The following XRN1 variants were observed in gnomAD, a reference collection of about 807,000 sequenced individuals.
XRN1 encodes strand-exchange protein 1 homolog.
In XRN1, 67 loss-of-function variants were observed where a neutral mutation model predicts 222.3. That is an observed-to-expected ratio of 0.30 (90% CI 0.25 to 0.37). XRN1 has a LOEUF of 0.37. Ranked by LOEUF, XRN1 falls within the 10% of genes least tolerant of loss-of-function variation. XRN1 has a pLI of 1.00. For missense variants in XRN1, 1,707 were observed against 2,000.2 expected, an observed-to-expected ratio of 0.85 and a Z score of 2.80; for synonymous variants, 643 against 652.4, an observed-to-expected ratio of 0.99 and a Z score of 0.22.
chr3:142,364,617 TAATA>T (rs1214351497), intron 29 of XRN1, among the ~76,000 whole-genome samples: 2 of 152,192 alleles, frequency 1.3e-5, no homozygotes, highest in East Asian at 3.8e-4. Context: ...GTAACTAACG[TAATA>T]TATATTTAAT....
At chr3:142,397,984 G>A (rs1184045300) in intron 19 of XRN1, among the ~76,000 whole-genome samples, 2 of 152,184 alleles carry the variant, frequency 1.3e-5, no homozygotes, top group African/African-American at 4.8e-5. Context: ...GCTCATGCCT[G>A]TAATCATAGC....
At chr3:142,386,630 A>G (rs574442414) in intron 20 of XRN1, among the ~76,000 whole-genome samples, 1 of 152,302 alleles carries the variant, frequency 6.6e-6, no homozygotes, top group South Asian at 2.1e-4. Flanking sequence ...TAAGAAAACT[A>G]TAAAGTAATG....
At chr3:142,362,878 C>T (rs1485743366) in intron 29 of XRN1, among the ~76,000 whole-genome samples, 1 of 151,558 alleles carries the variant, frequency 6.6e-6, no homozygotes, top group African/African-American at 2.4e-5. Flanking sequence ...TCAAGTGATT[C>T]TCCCACCTCA....
intron 33 of XRN1, among the ~76,000 whole-genome samples, chr3:142,344,680 G>T (rs560821399): frequency 1.3e-5 from 2 of 152,028 alleles, no homozygotes; most frequent in Non-Finnish European, 2.9e-5. Context: ...AAATATTTAG[G>T]AATAAATTTA....
chr3:142,346,848 C>T (rs1462197167), intron 33 of XRN1, among the ~76,000 whole-genome samples: 2 of 152,022 alleles, frequency 1.3e-5, no homozygotes, highest in Non-Finnish European at 2.9e-5. Context: ...TACAGAGGGC[C>T]GACTGAACAT....
chr3:142,403,721 C>G lies in XRN1; in HGVS notation c.2056G>C (p.Glu686Gln). The G allele has an allele frequency of 6.2e-7, 1 of 1,613,336 alleles. No homozygotes were observed. Among genetic ancestry groups the G allele is most frequent in the Non-Finnish European group, 8.5e-7 (1 of 1,179,600 alleles). ...VQVFQQSSRGENMMLEILVDA... is the reference protein window; with the variant it reads ...VQVFQQSSRGQNMMLEILVDA... The stretch of plus-strand genomic sequence containing the variant: ...ACTAAGATTTCCAACATCATGTTTT[C>G]TCCACGACTGCTTTGCTGGAATACT... The change falls in exon 18 of 41, where the codon GAA (glutamate) becomes CAA (glutamine). Residue 686 changes from glutamate to glutamine, a missense_variant. Coordinates refer to ENST00000392981, the MANE Select transcript of XRN1 (RefSeq NM_001282857.2).
At chr3:142,423,669 T>C (rs1172380236) in intron 5 of XRN1, 27 bp from the exon 6 acceptor site, 3 of 1,528,560 alleles carry the variant, frequency 2.0e-6, no homozygotes, top group Non-Finnish European at 2.6e-6. Context: ...AAGAAATGTT[T>C]TTATTCTCCC....
chr3:142,310,478 A>C lies in XRN1; in HGVS notation c.*1033T>G, dbSNP rs1302071036. The C allele has an allele frequency of 6.6e-6, 1 of 152,582 alleles. No individual in the cohort carries two copies. The highest frequency in any genetic ancestry group is 2.4e-5 in the African/African-American group (1 of 41,440). The allele number at this position is 152,582 out of a possible 1,614,324, so 9.5% of individuals were successfully genotyped here. ...CATTGAACAGTTCAGCATAAAGCTA[A>C]AAATATAGAATCAGAATGAAATAGG... On this transcript the variant is annotated 3_prime_UTR_variant, in exon 41 of 41. Coordinates refer to ENST00000392981, the MANE Select transcript of XRN1 (RefSeq NM_001282857.2).
intron 25 of XRN1, 68 bp downstream of exon 25, chr3:142,375,730 G>T: frequency 7.0e-7 from 1 of 1,434,438 alleles, no homozygotes; most frequent in Non-Finnish European, 9.3e-7. Context: ...ACTAATATCA[G>T]GAAGGCAAAA....
At chr3:142,443,503 C>T (rs2070344634) in intron 1 of XRN1, among the ~76,000 whole-genome samples, 1 of 152,184 alleles carries the variant, frequency 6.6e-6, no homozygotes, top group Non-Finnish European at 1.5e-5. Context: ...AATAGCCAAT[C>T]ATCTACTGCC....
At chr3:142,433,382 A>T (rs553851478) in intron 1 of XRN1, among the ~76,000 whole-genome samples, 66 of 152,304 alleles carry the variant, frequency 4.3e-4, no homozygotes, top group Admixed American at 1.0e-3. Context: ...CTGATTGGTT[A>T]TATTAATTTT....
At chr3:142,431,752 G>C (rs1461680740) in intron 2 of XRN1, among the ~76,000 whole-genome samples, 3 of 137,000 alleles carry the variant, frequency 2.2e-5, no homozygotes, top group African/African-American at 8.1e-5. Flanking sequence ...GGGAGGCGGA[G>C]GTTGTAATGA....
At position 142,356,930 on chromosome 3, in the gene XRN1, T is replaced by C; in HGVS notation, c.3654A>G (p.Ser1218=). 2 of 1,613,818 alleles carry C rather than the reference T, an allele frequency of 1.2e-6. No individual in the cohort carries two copies. The highest frequency in any genetic ancestry group is 1.7e-6 in the Non-Finnish European group (2 of 1,179,894). ...GTCTTACTTGAGTAGGAACAAAAAGTGATTGAGGGGAATGGTTGAGGGCTC... is the reference window on the plus strand; with the variant it reads ...GTCTTACTTGAGTAGGAACAAAAAGCGATTGAGGGGAATGGTTGAGGGCTC... ...HLGALNHSPQ[S]LFVPTQVPTK... The change falls in exon 31 of 41, where the codon TCA becomes TCG. Residue 1218 remains serine (S), a synonymous_variant. Coordinates refer to ENST00000392981, the MANE Select transcript of XRN1 (RefSeq NM_001282857.2).
At chr3:142,431,906 A>AATATATTG (rs2069582643) in intron 2 of XRN1, among the ~76,000 whole-genome samples, 21 of 36,860 alleles carry the variant, frequency 5.7e-4, no homozygotes, top group African/African-American at 3.0e-3. Flanking sequence ...TATATATTAT[A>AATATATTG]TATATAAATA....
At chr3:142,374,686 A>T (rs920888325) in intron 25 of XRN1, among the ~76,000 whole-genome samples, 1 of 152,224 alleles carries the variant, frequency 6.6e-6, no homozygotes, top group East Asian at 1.9e-4. Context: ...AAATATGTCA[A>T]GTTGAAAAAT....
intron 15 of XRN1, among the ~76,000 whole-genome samples, chr3:142,408,428 C>A (rs1170767843): frequency 3.9e-5 from 6 of 152,114 alleles, no homozygotes; most frequent in African/African-American, 1.4e-4. Context: ...CTATCCCTTG[C>A]GATGCAAATA....
At chr3:142,372,426 G>C (rs1368003356) in intron 25 of XRN1, among the ~76,000 whole-genome samples, 1 of 152,122 alleles carries the variant, frequency 6.6e-6, no homozygotes, top group Non-Finnish European at 1.5e-5. Flanking sequence ...AAGCAGAATT[G>C]GGCACAGGAA....
chr3:142,447,338 A>C lies in XRN1; in HGVS notation c.75+532T>G, dbSNP rs2070552759. ...GAAATAACAGAAAGTAACAAAAGGCATCACCAATATGACCATCAGCCACGT... is the reference window on the plus strand; with the variant it reads ...GAAATAACAGAAAGTAACAAAAGGCCTCACCAATATGACCATCAGCCACGT... On this transcript the variant is annotated intron_variant, in intron 1 of 40. Transcript: ENST00000392981. The surrounding 1 kb of genome is among the most constrained non-coding windows in gnomAD (Gnocchi z 4.2). Among the ~76,000 whole-genome samples the C allele has an allele frequency of 6.6e-6, 1 of 152,368 alleles. No individual in the cohort carries two copies. The highest frequency in any genetic ancestry group is 1.5e-5 in the Non-Finnish European group (1 of 68,042).
At chr3:142,353,796 G>C (rs1489450814) in intron 32 of XRN1, among the ~76,000 whole-genome samples, 1 of 152,108 alleles carries the variant, frequency 6.6e-6, no homozygotes, top group African/African-American at 2.4e-5. Context: ...GTCCTCAAAA[G>C]CAATCGCAAC....
Sources: allele counts gnomAD v4.1 joint callset (sites outside exome capture counted in the v4.1 genomes callset), GRCh38; gene constraint gnomAD v4.1.1; non-coding constraint Gnocchi (gnomAD v3.1); transcripts MANE v1.5; gene names NCBI Gene and HGNC (gene_info 2026-07-23, HGNC 2026-07-21).